SRGAP2: variants seen among roughly 807,000 people sequenced by gnomAD.
SRGAP2 encodes the protein SLIT-ROBO Rho GTPase activating protein 2.
In SRGAP2, 15 loss-of-function variants were observed where a neutral mutation model predicts 57.2. That is an observed-to-expected ratio of 0.26 (90% CI 0.18 to 0.40). The LOEUF is 0.40. SRGAP2 is among the 10% of genes least tolerant of loss of function. SRGAP2 has a pLI of 1.00. For synonymous variants in SRGAP2, 249 were observed against 248.0 expected (o/e 1.00, Z -0.04); for missense variants, 520 against 669.6 (o/e 0.78, Z 2.47).
rs1558358596 is a variant in SRGAP2 at position 206,372,952 on chromosome 1, TTTCTTTTCTTTCCTTTC to T, written c.424-11059_424-11043del. On this transcript the variant is annotated intron_variant, in intron 4 of 22. Transcript: ENST00000573034. ...CTTTCTTTCTTTCTTTCTTTCTTTC[TTTCTTTTCTTTCCTTTC>T]TTTCTTTCTTTCTTTCTTTCTTTCT... is the stretch of plus-strand genomic sequence containing the variant. Among the ~76,000 whole-genome samples, 4 of 7,960 alleles carry T rather than the reference TTTCTTTTCTTTCCTTTC, an allele frequency of 5.0e-4. 1 individual carries two copies. The highest frequency in any genetic ancestry group is 1.6e-3 in the Admixed American group (1 of 618). 5.2% of individuals were successfully genotyped at this position (7,960 alleles called of 152,430 possible).
At chr1:206,254,583 C>T (rs1423983387) in intron 2 of SRGAP2, among the ~76,000 whole-genome samples, 1 of 149,382 alleles carries the variant, frequency 6.7e-6, no homozygotes, top group African/African-American at 2.5e-5. Flanking sequence ...GGCCTTTTGA[C>T]GTGATCCTGT....
chr1:206,241,635 T>C (rs1219979557), intron 2 of SRGAP2, among the ~76,000 whole-genome samples: 1 of 151,884 alleles, frequency 6.6e-6, no homozygotes, highest in Non-Finnish European at 1.5e-5. Context: ...AGCAGTATGG[T>C]GCTTGGGTCA....
At chr1:206,254,441 G>GT (rs1210491700) in intron 2 of SRGAP2, among the ~76,000 whole-genome samples, 7 of 140,130 alleles carry the variant, frequency 5.0e-5, no homozygotes, top group African/African-American at 1.1e-4. Context: ...GTGACCAATA[G>GT]TTTTTTTTCC....
At chr1:206,312,337 C>T (rs1297430587) in intron 3 of SRGAP2, 4 of 151,748 alleles carry the variant, frequency 2.6e-5, no homozygotes, top group African/African-American at 9.7e-5. Flanking sequence ...GCCACTCATA[C>T]TGCGTTAGGT....
chr1:206,283,411 C>T (rs1382351045), intron 2 of SRGAP2, among the ~76,000 whole-genome samples: 4 of 152,056 alleles, frequency 2.6e-5, no homozygotes, highest in African/African-American at 7.3e-5. Context: ...TGGTGGCTCA[C>T]GCCCATAATC....
chr1:206,454,280 T>G lies in SRGAP2; in HGVS notation c.2361-598T>G, dbSNP rs564193152. 2.2e-5 allele frequency: 15 copies of G among 687,388 alleles called. No homozygotes were observed. Among genetic ancestry groups the G allele is most frequent in the Non-Finnish European group, 3.7e-5 (14 of 377,312 alleles). 42.6% of individuals were successfully genotyped at this position (687,388 alleles called of 1,614,324 possible). ...CAGGACCCTCCCAAATTTAGCATTA[T>G]GACTTCACCACAGGATCAAGAGAAG... On this transcript the variant is annotated intron_variant, in intron 20 of 22. Coordinates refer to ENST00000573034, the MANE Select transcript of SRGAP2 (RefSeq NM_015326.5). This position sits in a 1 kb window ranked among gnomAD's most constrained non-coding sequence, Gnocchi z 4.3.
chr1:206,404,611 C>T (rs1391133227), intron 8 of SRGAP2, among the ~76,000 whole-genome samples: 1 of 151,612 alleles, frequency 6.6e-6, no homozygotes, highest in Non-Finnish European at 1.5e-5. Context: ...ATAATCCTTG[C>T]GGGAAGGTCA....
intron 3 of SRGAP2, among the ~76,000 whole-genome samples, chr1:206,304,261 TA>T (rs1441438983): frequency 7.1e-6 from 1 of 141,606 alleles, no homozygotes; most frequent in Non-Finnish European, 1.5e-5. Flanking sequence ...TGGAGAACTT[TA>T]AAAAAAATAC....
intron 4 of SRGAP2, among the ~76,000 whole-genome samples, chr1:206,345,541 CCAA>C (rs1463811266): frequency 7.6e-6 from 1 of 132,128 alleles, no homozygotes; most frequent in Non-Finnish European, 1.6e-5. Flanking sequence ...TCCTGTAATC[CCAA>C]CAACTCAGGA....
intron 7 of SRGAP2, among the ~76,000 whole-genome samples, chr1:206,395,620 C>T (rs1657507748): frequency 6.6e-6 from 1 of 151,786 alleles, no homozygotes; most frequent in Non-Finnish European, 1.5e-5. Context: ...TGCTGTCTGC[C>T]ACACCACTGC....
intron 3 of SRGAP2, among the ~76,000 whole-genome samples, 156 bp downstream of exon 3, chr1:206,303,629 C>G (rs1236270307): frequency 1.3e-5 from 2 of 152,214 alleles, no homozygotes; most frequent in Non-Finnish European, 2.9e-5. Context: ...CCAGATCAGT[C>G]TTATGTGCAA....
chr1:206,333,121 G>A (rs1207603895), intron 3 of SRGAP2, among the ~76,000 whole-genome samples: 3 of 144,436 alleles, frequency 2.1e-5, no homozygotes, highest in East Asian at 2.0e-4. Flanking sequence ...TAGGCTGCTC[G>A]GGGGTCAGGG....
chr1:206,266,370 A>G (rs1669849294), intron 2 of SRGAP2, among the ~76,000 whole-genome samples: 1 of 151,994 alleles, frequency 6.6e-6, no homozygotes, highest in African/African-American at 2.4e-5. Context: ...CAGCCTCTCA[A>G]GTAGCTAGGA....
At chr1:206,445,188 T>A (rs1328057589) in intron 17 of SRGAP2, among the ~76,000 whole-genome samples, 1 of 152,126 alleles carries the variant, frequency 6.6e-6, no homozygotes, top group African/African-American at 2.4e-5. Context: ...GCAGGCTGTG[T>A]TGGGGAGGTA....
At chr1:206,212,107 G>T (rs1666350394) in intron 2 of SRGAP2, among the ~76,000 whole-genome samples, 1 of 152,100 alleles carries the variant, frequency 6.6e-6, no homozygotes, top group Non-Finnish European at 1.5e-5. Context: ...GAACACTTGG[G>T]TTGTTTCCAC....
intron 17 of SRGAP2, among the ~76,000 whole-genome samples, chr1:206,441,061 G>A (rs1418094393): frequency 6.6e-6 from 1 of 152,194 alleles, no homozygotes; most frequent in Non-Finnish European, 1.5e-5. Flanking sequence ...TTTGCCCATG[G>A]ATTATACATA....
chr1:206,370,475 G>GT lies in SRGAP2; in HGVS notation c.424-13538dup, dbSNP rs572555729. 1.1e-3 allele frequency among the ~76,000 whole-genome samples: 168 copies of GT among 152,304 alleles called. 2 individuals carry two copies. Among genetic ancestry groups the GT allele is most frequent in the African/African-American group, 4.0e-3 (166 of 41,558 alleles). On this transcript the variant is annotated intron_variant, in intron 4 of 22. Coordinates refer to ENST00000573034, the MANE Select transcript of SRGAP2 (RefSeq NM_015326.5). ...AATATGGATATACCCTGAAAACATT[G>GT]TAAGTGAAAGAAGCTAAACATAAAA... is the stretch of plus-strand genomic sequence containing the variant.
At chr1:206,459,311 G>A (rs1664078460) in intron 22 of SRGAP2, among the ~76,000 whole-genome samples, 1 of 151,496 alleles carries the variant, frequency 6.6e-6, no homozygotes, top group South Asian at 2.1e-4. Context: ...TGAGGATCAG[G>A]TGTAATCCTG....
intron 18 of SRGAP2, among the ~76,000 whole-genome samples, chr1:206,448,758 C>A (rs1662985727): frequency 6.6e-6 from 1 of 152,216 alleles, no homozygotes; most frequent in South Asian, 2.1e-4. Context: ...CCGCCACCCC[C>A]ACCATCTCAA....
Sources: allele counts gnomAD v4.1 joint callset (sites outside exome capture counted in the v4.1 genomes callset), GRCh38; gene constraint gnomAD v4.1.1; non-coding constraint Gnocchi (gnomAD v3.1); transcripts MANE v1.5; gene names NCBI Gene and HGNC (gene_info 2026-07-23, HGNC 2026-07-21).